PEX14: variants seen among roughly 807,000 people sequenced by gnomAD.
PEX14 encodes the protein peroxisomal biogenesis factor 14, also known as peroxisomal membrane protein PEX14.
In PEX14, 15 loss-of-function variants were observed where a neutral mutation model predicts 49.5. The ratio of observed to expected loss-of-function variants is 0.30; its 90% CI spans 0.20 to 0.47. The LOEUF is 0.47. PEX14 is among the 20% of genes least tolerant of loss of function. The pLI, the probability that PEX14 is intolerant of heterozygous loss-of-function variation, is 1.00. For missense variants in PEX14, 398 were observed against 494.8 expected, an observed-to-expected ratio of 0.80 and a Z score of 1.86; for synonymous variants, 210 against 212.7, an observed-to-expected ratio of 0.99 and a Z score of 0.11.
intron 1 of PEX14, among the ~76,000 whole-genome samples, chr1:10,492,785 C>T (rs1196285825): frequency 6.6e-6 from 1 of 152,200 alleles, no homozygotes. Context: ...TCCTAGCCCC[C>T]AGGGATACAG....
chr1:10,602,146 G>A (rs1436412620), intron 4 of PEX14, among the ~76,000 whole-genome samples: 1 of 152,080 alleles, frequency 6.6e-6, no homozygotes, highest in African/African-American at 2.4e-5. Flanking sequence ...TGTCCAGATC[G>A]CTCTGAGAAA....
At chr1:10,563,801 A>G (rs1001396923) in intron 3 of PEX14, among the ~76,000 whole-genome samples, 8 of 151,512 alleles carry the variant, frequency 5.3e-5, no homozygotes, top group South Asian at 2.1e-4. Context: ...AGTTCCAGCT[A>G]CTCGGGAGGC....
rs200051056 is a variant in PEX14, at chr1:10,627,231, G to A, written c.586-41G>A. The A allele has an allele frequency of 4.5e-5, 66 of 1,460,212 alleles. 1 individual carries two copies. In the East Asian group the frequency reaches 8.6e-4, roughly 19 times the overall value. The allele number at this position is 1,460,212 out of a possible 1,614,324, so 90.5% of individuals were successfully genotyped here. On this transcript the variant is annotated intron_variant, in intron 7 of 8. Transcript: ENST00000356607. ...TGCAGCCGCAGGCCCCGCCCGTGCC[G>A]CAAGGCGCCCGCCCTGAGCCTCCCT...
chr1:10,552,313 A>G (rs2124512672), intron 3 of PEX14, among the ~76,000 whole-genome samples: 1 of 150,578 alleles, frequency 6.6e-6, no homozygotes, highest in African/African-American at 2.4e-5. Context: ...ATGGTGGCGG[A>G]CGCCTGTAAT....
chr1:10,604,704 G>C (rs1641079943), intron 4 of PEX14, among the ~76,000 whole-genome samples: 2 of 152,196 alleles, frequency 1.3e-5, no homozygotes, highest in African/African-American at 4.8e-5. Flanking sequence ...GGGTGGCTCT[G>C]TCAGCTCCGA....
At chr1:10,481,245 C>T (rs1187039440) in intron 1 of PEX14, among the ~76,000 whole-genome samples, 9 of 150,788 alleles carry the variant, frequency 6.0e-5, no homozygotes, top group Admixed American at 1.3e-4. Flanking sequence ...TCAAGCAATT[C>T]TCCTGTCTCA....
intron 1 of PEX14, among the ~76,000 whole-genome samples, chr1:10,492,996 G>A (rs1641496619): frequency 6.6e-6 from 1 of 152,188 alleles, no homozygotes; most frequent in Non-Finnish European, 1.5e-5. Context: ...CTTCCCTGAG[G>A]AAGTGTCTTA....
chr1:10,573,208 C>A (rs1230626424), intron 3 of PEX14, among the ~76,000 whole-genome samples: 1 of 152,202 alleles, frequency 6.6e-6, no homozygotes, highest in African/African-American at 2.4e-5. Flanking sequence ...ATATTTTATT[C>A]ATCTGACGGA....
At chr1:10,480,841 T>TTC (rs35200732) in intron 1 of PEX14, among the ~76,000 whole-genome samples, 3,236 of 148,426 alleles carry the variant, frequency 0.022, 78 homozygotes, top group African/African-American at 0.059. Context: ...CTCTCTCTCT[T>TTC]TCTCTCTCTC....
chr1:10,482,555 T>A (rs916462877), intron 1 of PEX14, among the ~76,000 whole-genome samples: 4 of 151,790 alleles, frequency 2.6e-5, no homozygotes, highest in Non-Finnish European at 5.9e-5. Flanking sequence ...TGCCTCAGCC[T>A]CCCAAGTAGC....
intron 2 of PEX14, among the ~76,000 whole-genome samples, chr1:10,525,876 G>T (rs1451454043): frequency 1.4e-5 from 2 of 146,638 alleles, no homozygotes; most frequent in African/African-American, 5.1e-5. Context: ...CGCCCGCCTT[G>T]GCCCCCTAAA....
chr1:10,484,549 T>C (rs537479739), intron 1 of PEX14, among the ~76,000 whole-genome samples: 3 of 151,934 alleles, frequency 2.0e-5, no homozygotes, highest in Admixed American at 2.0e-4. Flanking sequence ...TGTTCACCAG[T>C]TGATGGACAT....
At chr1:10,625,046 C>T (rs559010992) in intron 7 of PEX14, among the ~76,000 whole-genome samples, 1 of 152,288 alleles carries the variant, frequency 6.6e-6, no homozygotes, top group South Asian at 2.1e-4. Flanking sequence ...GGTCCTGCCA[C>T]TTGTTAGCTG....
intron 1 of PEX14, among the ~76,000 whole-genome samples, chr1:10,491,933 T>G (rs1042941784): frequency 3.3e-5 from 5 of 152,100 alleles, no homozygotes; most frequent in African/African-American, 9.7e-5. Context: ...TTCGCTCACC[T>G]TGGCCTCCTG....
chr1:10,618,503 GCACTGCCGTGC>G (rs1344741845), intron 5 of PEX14, 86 bp downstream of exon 5: 1 of 1,014,110 alleles, frequency 9.9e-7, no homozygotes, highest in Non-Finnish European at 1.5e-6. Context: ...CTGCATGGAG[GCACTGCCGTGC>G]TCTGCCCTGG....
At chr1:10,483,739 T>C (rs1439655292) in intron 1 of PEX14, among the ~76,000 whole-genome samples, 1 of 138,146 alleles carries the variant, frequency 7.2e-6, no homozygotes, top group African/African-American at 2.6e-5. Flanking sequence ...ACAAATTGTA[T>C]ATACGTGTGT....
chr1:10,628,656 A>G lies in PEX14; in HGVS notation c.678-875A>G, dbSNP rs1641820220. Among the ~76,000 whole-genome samples the G allele has an allele frequency of 6.6e-6, 1 of 152,114 alleles. No individual in the cohort carries two copies. Among genetic ancestry groups the G allele is most frequent in the African/African-American group, 2.4e-5 (1 of 41,404 alleles). ...TCGGGTGACCGTGGGGGCCAAGAAA[A>G]CTGCACATGGAATTTCTTGTTAGCG... On this transcript the variant is annotated intron_variant, in intron 8 of 8. Transcript: ENST00000356607. This position sits in a 1 kb window ranked among gnomAD's most constrained non-coding sequence, Gnocchi z 4.5.
At chr1:10,626,656 A>G (rs1641753163) in intron 7 of PEX14, among the ~76,000 whole-genome samples, 1 of 152,218 alleles carries the variant, frequency 6.6e-6, no homozygotes, top group Admixed American at 6.5e-5. Context: ...GCACTTAAAG[A>G]TGGCCTGGGG....
intron 4 of PEX14, among the ~76,000 whole-genome samples, chr1:10,602,940 A>G (rs1335596514): frequency 2.6e-5 from 4 of 152,208 alleles, no homozygotes; most frequent in Non-Finnish European, 4.4e-5. Context: ...TCTGAGCCCA[A>G]GGCTAGAAAA....
Sources: allele counts gnomAD v4.1 joint callset (sites outside exome capture counted in the v4.1 genomes callset), GRCh38; gene constraint gnomAD v4.1.1; non-coding constraint Gnocchi (gnomAD v3.1); transcripts MANE v1.5; gene names NCBI Gene and HGNC (gene_info 2026-07-23, HGNC 2026-07-21).